The following STPG2 variants were observed in gnomAD, a reference collection of about 807,000 sequenced individuals.
STPG2 encodes sperm-tail PG-rich repeat-containing protein 2.
In STPG2, 56 loss-of-function variants were observed where a neutral mutation model predicts 54.2. That is an observed-to-expected ratio of 1.03 (90% CI 0.83 to 1.29). STPG2 has a LOEUF of 1.29. STPG2 is among the 50% of genes most tolerant of loss of function. STPG2 has a pLI of 0.00. For synonymous variants in STPG2, 200 were observed against 181.8 expected (o/e 1.10, Z -0.81); for missense variants, 596 against 544.9 (o/e 1.09, Z -0.93).
chr4:97,686,938 A>AT lies in STPG2; in HGVS notation c.1320+25760dup, dbSNP rs1329898661. On this transcript the variant is annotated intron_variant, in intron 10 of 10. Transcript: ENST00000295268. ...TATTTTACTAATTATTATTATTATT[A>AT]TTATTTTTTTTTTTGAGAGAGAGAG... is the stretch of plus-strand genomic sequence containing the variant. 5.0e-3 allele frequency among the ~76,000 whole-genome samples: 740 copies of AT among 146,958 alleles called. 4 individuals carry two copies. The highest frequency in any genetic ancestry group is 0.017 in the African/African-American group (672 of 39,780).
intron 10 of STPG2, among the ~76,000 whole-genome samples, chr4:97,707,052 G>A (rs1309893806): frequency 6.6e-6 from 1 of 152,138 alleles, no homozygotes; most frequent in East Asian, 1.9e-4. Context: ...TCATTGAGCA[G>A]ATGAAGCAAA....
chr4:98,128,641 G>A, intron 2 of STPG2, 49 bp from the exon 3 acceptor site: 1 of 1,405,872 alleles, frequency 7.1e-7, no homozygotes, highest in Non-Finnish European at 9.5e-7. Context: ...AGAGGAAGGG[G>A]AATGAAGAAC....
At chr4:97,556,818 G>A (rs1560658190), downstream of STPG2, among the ~76,000 whole-genome samples, 1 of 152,064 alleles carries the variant, frequency 6.6e-6, no homozygotes, top group Non-Finnish European at 1.5e-5. Flanking sequence ...AGAATAAAAG[G>A]ATTAAAGTTA....
At chr4:97,800,295 T>C (rs1453166068) in intron 9 of STPG2, among the ~76,000 whole-genome samples, 1 of 152,258 alleles carries the variant, frequency 6.6e-6, no homozygotes, top group Non-Finnish European at 1.5e-5. Flanking sequence ...GCTCTGTTTT[T>C]TTCCCCAGCT....
chr4:97,596,168 G>C (rs1310067335), intron 10 of STPG2, among the ~76,000 whole-genome samples: 2 of 151,952 alleles, frequency 1.3e-5, no homozygotes, highest in East Asian at 3.9e-4. Context: ...AAAAAAAGAA[G>C]GGCATTACAC....
In STPG2 at chr4:98,030,642, G is replaced by A. The variant is rs1426683183; in HGVS notation, c.613-49324C>T. Among the ~76,000 whole-genome samples the A allele has an allele frequency of 2.6e-5, 4 of 152,102 alleles. No homozygotes were observed. The East Asian group carries it at 7.7e-4, about 29-fold the overall frequency. On this transcript the variant is annotated intron_variant, in intron 5 of 10. Transcript: ENST00000295268. ...TACCCAACTTCAAATTAGAGTCCAG[G>A]CCTACAGTAACCAAAACAGCATGAT...
rs559628066 is a variant in STPG2, at chr4:97,896,770, A to C, written c.1044+47127T>G. 4.0e-5 allele frequency among the ~76,000 whole-genome samples: 6 copies of C among 151,862 alleles called. No homozygotes were observed. The South Asian group carries it at 1.2e-3, about 31-fold the overall frequency. On this transcript the variant is annotated intron_variant, in intron 8 of 10. Coordinates refer to ENST00000295268, the MANE Select transcript of STPG2 (RefSeq NM_174952.3). ...TTATAGCATAAAATGTTTATGATAT[A>C]GTCTTATTAAAGAAAAACTACAAAA...
At position 97,849,944 on chromosome 4, in the gene STPG2, T is replaced by A. The variant is rs184862179; in HGVS notation, c.1045-9012A>T. ...GGGTATATACCCAAAGGATTATAAA[T>A]CATGCTGTTATAAAGACACATGCAC... is the stretch of plus-strand genomic sequence containing the variant. On this transcript the variant is annotated intron_variant, in intron 8 of 10. Coordinates refer to ENST00000295268, the MANE Select transcript of STPG2 (RefSeq NM_174952.3). Among the ~76,000 whole-genome samples, 640 of 152,172 alleles carry A rather than the reference T, an allele frequency of 4.2e-3. 3 individuals are homozygous for A. Among genetic ancestry groups the A allele is most frequent in the South Asian group, 0.024 (117 of 4,818 alleles).
intron 4 of STPG2, among the ~76,000 whole-genome samples, chr4:97,495,950 GAAGA>G (rs927647483): frequency 2.4e-4 from 37 of 151,544 alleles, no homozygotes; most frequent in African/African-American, 6.5e-4. Flanking sequence ...ACTATTGTGA[GAAGA>G]AAGAAATGTT....
chr4:97,980,099 T>A (rs1006166695), intron 6 of STPG2, among the ~76,000 whole-genome samples: 1 of 151,978 alleles, frequency 6.6e-6, no homozygotes, highest in Non-Finnish European at 1.5e-5. Flanking sequence ...AGCAGGAGGA[T>A]CCTTTGAGCC....
chr4:97,562,755 C>G (rs184173378), intron 10 of STPG2, among the ~76,000 whole-genome samples: 1 of 151,912 alleles, frequency 6.6e-6, no homozygotes, highest in African/African-American at 2.4e-5. Flanking sequence ...TATTGATTTG[C>G]GTATATTGAA....
chr4:98,138,854 G>A (rs769448785), intron 1 of STPG2, among the ~76,000 whole-genome samples: 1 of 152,026 alleles, frequency 6.6e-6, no homozygotes. Context: ...ATGTCACCCA[G>A]CTTAGCTAAC....
At chr4:97,940,164 CG>C (rs1331112366) in intron 8 of STPG2, among the ~76,000 whole-genome samples, 2 of 151,622 alleles carry the variant, frequency 1.3e-5, no homozygotes, top group Admixed American at 1.3e-4. Flanking sequence ...AGCTGAGAGT[CG>C]GCTGTTAGCC....
At chr4:97,907,116 C>A (rs1363654823) in intron 8 of STPG2, among the ~76,000 whole-genome samples, 2 of 152,062 alleles carry the variant, frequency 1.3e-5, no homozygotes, top group Non-Finnish European at 2.9e-5. Flanking sequence ...ATCTAGGGAA[C>A]CCCATTATCT....
chr4:97,825,333 G>C (rs966118153), intron 9 of STPG2, among the ~76,000 whole-genome samples: 2 of 152,124 alleles, frequency 1.3e-5, no homozygotes, highest in Non-Finnish European at 2.9e-5. Context: ...GTAATAACTA[G>C]GTAGGAAATT....
chr4:97,520,562 T>G (rs1438675128), intron 4 of STPG2, among the ~76,000 whole-genome samples: 1 of 152,102 alleles, frequency 6.6e-6, no homozygotes, highest in East Asian at 1.9e-4. Context: ...GTCAGGCTCT[T>G]GTAAATTTCC....
intron 10 of STPG2, among the ~76,000 whole-genome samples, chr4:97,579,538 C>T (rs1375937687): frequency 1.3e-5 from 2 of 151,996 alleles, no homozygotes; most frequent in East Asian, 1.9e-4. Context: ...AAAATAATCA[C>T]AAAGTTAAGA....
At chr4:97,981,787 A>G (rs1025201) in intron 5 of STPG2, among the ~76,000 whole-genome samples, 64,191 of 148,506 alleles carry the variant, frequency 0.43, 14,277 homozygotes, top group Admixed American at 0.54. Context: ...TGGTTTATCA[A>G]TTCAGTTTAA....
intron 5 of STPG2, among the ~76,000 whole-genome samples, chr4:98,089,967 G>A (rs783937): frequency 0.86 from 130,715 of 152,026 alleles, 56,333 homozygotes; most frequent in Middle Eastern, 0.97. Context: ...TCAGATGCAT[G>A]GTTTGTGAAT....
Sources: allele counts gnomAD v4.1 joint callset (sites outside exome capture counted in the v4.1 genomes callset), GRCh38; gene constraint gnomAD v4.1.1; transcripts MANE v1.5; gene names NCBI Gene and HGNC (gene_info 2026-07-23, HGNC 2026-07-21).